Variants in RGP1 observed in about 807,000 individuals in gnomAD.
The protein encoded by RGP1 is RGP1 partner of RAB6A GEF complex, also known as RAB6A-GEF complex partner protein 2.
RGP1 carries 28 observed loss-of-function variants against 44.5 expected under a neutral mutation model. The observed-to-expected ratio is 0.63, with a 90% CI of 0.47 to 0.86. RGP1 has a LOEUF of 0.86. Ranked by LOEUF, RGP1 falls within the 40% of genes least tolerant of loss-of-function variation. The pLI is 0.00. For synonymous variants in RGP1, 212 were observed against 196.7 expected (o/e 1.08, Z -0.65); for missense variants, 417 against 490.7 (o/e 0.85, Z 1.42).
chr9:35,752,153 C>T lies in RGP1; in HGVS notation c.952+8C>T. The T allele has an allele frequency of 1.3e-6, 2 of 1,539,460 alleles. No homozygotes were observed. The highest frequency in any genetic ancestry group is 1.7e-6 in the Non-Finnish European group (2 of 1,145,002). ...GCTTCTGTACAGCCATTGGTGAGAC[C>T]CTCACTGTTACTGGAGAAGGGAGAG... On this transcript the variant is annotated splice_region_variant and intron_variant, in intron 8 of 8. Transcript: ENST00000378078.
the RGP1 span, among the ~76,000 whole-genome samples, chr9:35,769,633 T>G: frequency 1.3e-5 from 2 of 152,132 alleles, no homozygotes; most frequent in South Asian, 4.1e-4. Flanking sequence ...GGTAATCAGA[T>G]GAAAAGTCGG....
chr9:35,785,369 A>G, the RGP1 span, among the ~76,000 whole-genome samples: 5 of 149,672 alleles, frequency 3.3e-5, no homozygotes, highest in Admixed American at 6.6e-5. Flanking sequence ...AATGAGGTGA[A>G]GGCGAGGGGT....
intron 3 of RGP1, 32 bp from the exon 4 acceptor site, chr9:35,750,626 G>T (rs561167306): frequency 1.5e-5 from 24 of 1,604,942 alleles, no homozygotes; most frequent in Middle Eastern, 3.3e-4. Flanking sequence ...TGGACAATGG[G>T]TCATTAAATT....
Position 35,754,299 on chromosome 9 carries a change from T to G in RGP1, c.*1425T>G, listed in dbSNP as rs1338406495. ...CTCTGCTCTCACAGGCTGGGGATGTTTATAAAGTGAGGACCCTGGCCCCCT... is the reference window on the plus strand; with the variant it reads ...CTCTGCTCTCACAGGCTGGGGATGTGTATAAAGTGAGGACCCTGGCCCCCT... On this transcript the variant is annotated 3_prime_UTR_variant, in exon 9 of 9. Coordinates refer to ENST00000378078, the MANE Select transcript of RGP1 (RefSeq NM_001080496.3). 1.1e-5 allele frequency: 9 copies of G among 827,260 alleles called. No individual in the cohort carries two copies. The East Asian group carries it at 2.7e-4, about 25-fold the overall frequency. 51.2% of individuals were successfully genotyped at this position (827,260 alleles called of 1,614,324 possible).
the RGP1 span, among the ~76,000 whole-genome samples, chr9:35,784,220 A>G: frequency 6.6e-6 from 1 of 152,254 alleles, no homozygotes; most frequent in East Asian, 1.9e-4. Flanking sequence ...ATTGTCTTCC[A>G]TTCTGTAACT....
downstream of RGP1, among the ~76,000 whole-genome samples, chr9:35,759,690 G>T (rs1350387563): frequency 2.0e-5 from 3 of 149,896 alleles, no homozygotes; most frequent in African/African-American, 7.4e-5. Flanking sequence ...CATTTTTCTG[G>T]ACCCACCTAT....
the RGP1 span, among the ~76,000 whole-genome samples, chr9:35,766,930 G>C: frequency 2.0e-5 from 3 of 152,178 alleles, no homozygotes; most frequent in Non-Finnish European, 2.9e-5. Context: ...TTATATTTGA[G>C]TGGGTGAAAT....
At chr9:35,759,226 A>G (rs1223003038), downstream of RGP1, among the ~76,000 whole-genome samples, 1 of 152,288 alleles carries the variant, frequency 6.6e-6, no homozygotes, top group East Asian at 1.9e-4. Context: ...CACACTGTAT[A>G]GTGAATTTCA....
Position 35,750,648 on chromosome 9 carries a change from C to T in RGP1, c.254-10C>T. The T allele has an allele frequency of 6.2e-7, 1 of 1,613,762 alleles. No homozygotes were observed. The highest frequency in any genetic ancestry group is 8.5e-7 in the Non-Finnish European group (1 of 1,179,658). ...TGGGTCATTAAATTAGTCATTTTTA[C>T]CTTTTTCAGGTGAGAGGGGCCAGTG... On this transcript the variant is annotated splice_polypyrimidine_tract_variant and intron_variant, in intron 3 of 8. Coordinates refer to ENST00000378078, the MANE Select transcript of RGP1 (RefSeq NM_001080496.3).
rs1827267756 is a variant in RGP1, at chr9:35,751,692, A to G, written c.700A>G (p.Arg234Gly). 3 of 1,613,900 alleles carry G rather than the reference A, an allele frequency of 1.9e-6. No homozygotes were observed. The South Asian group carries it at 3.3e-5, about 18-fold the overall frequency. ...GTFGIFKSVY[R>G]LGEDVVGTLN... Reference sequence around the variant, plus strand: ...GTTTGGCATCTTCAAATCTGTGTACAGACTTGGCGAGGACGTGGTGGGGAC... The same window carrying G: ...GTTTGGCATCTTCAAATCTGTGTACGGACTTGGCGAGGACGTGGTGGGGAC... Residue 234 changes from arginine (R) to glycine (G), a missense_variant, in exon 7 of 9, where the codon AGA (arginine) becomes GGA (glycine). Coordinates refer to ENST00000378078, the MANE Select transcript of RGP1 (RefSeq NM_001080496.3).
chr9:35,785,734 C>T, the RGP1 span, among the ~76,000 whole-genome samples: 7 of 152,164 alleles, frequency 4.6e-5, no homozygotes, highest in African/African-American at 1.7e-4. Flanking sequence ...TTGCCAGTCT[C>T]CACCTAGCTG....
At chr9:35,779,244 C>T in the RGP1 span, among the ~76,000 whole-genome samples, 2 of 152,110 alleles carry the variant, frequency 1.3e-5, no homozygotes, top group African/African-American at 2.4e-5. Flanking sequence ...CACCTCCATT[C>T]CCAGGCTATA....
the RGP1 span, among the ~76,000 whole-genome samples, chr9:35,769,924 A>G: frequency 6.6e-6 from 1 of 152,220 alleles, no homozygotes; most frequent in Non-Finnish European, 1.5e-5. Context: ...ATGTAGTTCA[A>G]ATCTGCATGT....
the RGP1 span, among the ~76,000 whole-genome samples, chr9:35,770,213 G>A: frequency 1.4e-3 from 213 of 152,298 alleles, 2 homozygotes; most frequent in African/African-American, 4.2e-3. Flanking sequence ...GAGTAGTGAG[G>A]GAGATGGAGA....
At chr9:35,782,609 C>A in the RGP1 span, among the ~76,000 whole-genome samples, 1 of 152,058 alleles carries the variant, frequency 6.6e-6, no homozygotes, top group Non-Finnish European at 1.5e-5. Context: ...TCGCGCCTGG[C>A]TAATTTTTGC....
At chr9:35,782,655 AG>A in the RGP1 span, among the ~76,000 whole-genome samples, 3 of 151,734 alleles carry the variant, frequency 2.0e-5, no homozygotes, top group African/African-American at 7.3e-5. Context: ...CATGTTGGTC[AG>A]GCTGGTCTCA....
the RGP1 span, among the ~76,000 whole-genome samples, chr9:35,770,513 G>T: frequency 7.9e-6 from 1 of 127,236 alleles, no homozygotes. Flanking sequence ...GAGAGAGAGA[G>T]AGAGAGAGAG....
In RGP1 at chr9:35,755,887, G is replaced by T. The variant is rs1025254102; in HGVS notation, c.*3013G>T. On this transcript the variant is annotated 3_prime_UTR_variant, in exon 9 of 9. Coordinates refer to ENST00000378078, the MANE Select transcript of RGP1 (RefSeq NM_001080496.3). Reference sequence around the variant, plus strand: ...ACATTTTGGTTTTGGCCCTTGTATTGACTTCTGAATGTCTAGTTTGAGAAA... The same window carrying T: ...ACATTTTGGTTTTGGCCCTTGTATTTACTTCTGAATGTCTAGTTTGAGAAA... 2 of 152,202 alleles carry T rather than the reference G, an allele frequency of 1.3e-5. No individual in the cohort carries two copies. The highest frequency in any genetic ancestry group is 1.5e-5 in the Non-Finnish European group (1 of 68,084). The allele number at this position is 152,202 out of a possible 1,614,324, so 9.4% of individuals were successfully genotyped here. A position where few individuals can be genotyped will look rare whatever the true frequency, so the allele number is the denominator to read the frequency against.
At chr9:35,788,498 G>T in the RGP1 span, among the ~76,000 whole-genome samples, 1 of 151,994 alleles carries the variant, frequency 6.6e-6, no homozygotes, top group Non-Finnish European at 1.5e-5. Context: ...CCTGGGAGAT[G>T]GAGGTTGCAG....
Sources: gnomAD v4.1 joint callset for allele counts (sites outside exome capture counted in the v4.1 genomes callset) on GRCh38, gnomAD v4.1.1 for gene constraint, MANE v1.5 for transcripts, NCBI Gene and HGNC (gene_info 2026-07-23, HGNC 2026-07-21) for gene names.